The following ASTN2 variants were observed in gnomAD, a reference collection of about 807,000 sequenced individuals.
ASTN2 encodes the protein astrotactin-2.
Under a neutral mutation model 139.8 loss-of-function variants are expected in ASTN2, and 54 were observed. The ratio of observed to expected loss-of-function variants is 0.39; its 90% confidence interval spans 0.31 to 0.48. The LOEUF (loss-of-function observed/expected upper bound fraction) is 0.48. Ranked by LOEUF, ASTN2 falls within the 20% of genes least tolerant of loss-of-function variation. ASTN2 has a pLI of 0.95. For missense variants in ASTN2, 1,565 were observed against 1,725.1 expected (o/e 0.91, Z 1.64); for synonymous variants, 756 against 719.5 (o/e 1.05, Z -0.81).
At chr9:116,619,186 C>T (rs933025556) in intron 18 of ASTN2, among the ~76,000 whole-genome samples, 3 of 152,112 alleles carry the variant, frequency 2.0e-5, no homozygotes, top group African/African-American at 7.2e-5. Context: ...CATGATTCTT[C>T]TCACCCACAG....
chr9:116,607,771 C>T (rs1564149542), intron 19 of ASTN2, among the ~76,000 whole-genome samples: 1 of 151,602 alleles, frequency 6.6e-6, no homozygotes, highest in East Asian at 1.9e-4. Flanking sequence ...ACCATCCTGG[C>T]TAACACGGTG....
intron 2 of ASTN2, among the ~76,000 whole-genome samples, chr9:117,235,189 A>T (rs1424711893): frequency 1.3e-5 from 2 of 151,592 alleles, no homozygotes; most frequent in Non-Finnish European, 2.9e-5. Context: ...AGCTGAGATC[A>T]CACCATCGCA....
intron 10 of ASTN2, among the ~76,000 whole-genome samples, chr9:116,974,668 C>T (rs1238028410): frequency 6.6e-6 from 1 of 152,046 alleles, no homozygotes; most frequent in East Asian, 1.9e-4. Context: ...ACCATCACAT[C>T]AGGCTAATTT....
At chr9:117,412,397 A>G (rs189608648) in intron 1 of ASTN2, among the ~76,000 whole-genome samples, 1 of 152,296 alleles carries the variant, frequency 6.6e-6, no homozygotes, top group African/African-American at 2.4e-5. Context: ...GGTTGTTGCC[A>G]GGAGACTCTC....
intron 3 of ASTN2, among the ~76,000 whole-genome samples, chr9:117,203,662 C>T (rs1005879373): frequency 3.9e-5 from 6 of 152,102 alleles, no homozygotes; most frequent in Admixed American, 6.5e-5. Flanking sequence ...CCCCATTCAT[C>T]TGATTCACTC....
chr9:117,128,895 C>T (rs1004782011), intron 4 of ASTN2, among the ~76,000 whole-genome samples: 3 of 152,208 alleles, frequency 2.0e-5, no homozygotes, highest in Non-Finnish European at 2.9e-5. Flanking sequence ...AAAGCGGAAA[C>T]CCCTGATAAA....
chr9:117,109,409 T>G (rs1465312036), intron 4 of ASTN2, among the ~76,000 whole-genome samples: 6 of 152,244 alleles, frequency 3.9e-5, no homozygotes, highest in African/African-American at 1.4e-4. Flanking sequence ...TGGAAACTCT[T>G]GTTCCTGCCT....
intron 10 of ASTN2, among the ~76,000 whole-genome samples, chr9:116,965,463 G>C (rs1564363116): frequency 6.6e-6 from 1 of 152,130 alleles, no homozygotes; most frequent in Non-Finnish European, 1.5e-5. Flanking sequence ...CTCCCTGGTG[G>C]TAAGAGTCAC....
At chr9:117,393,915 C>G (rs62562122) in intron 1 of ASTN2, among the ~76,000 whole-genome samples, 2 of 152,030 alleles carry the variant, frequency 1.3e-5, no homozygotes, top group Non-Finnish European at 2.9e-5. Context: ...AGAACAGGCC[C>G]ATCAAGGGTC....
intron 5 of ASTN2, among the ~76,000 whole-genome samples, chr9:117,063,548 T>A (rs139451503): frequency 6.6e-6 from 1 of 152,218 alleles, no homozygotes; most frequent in Non-Finnish European, 1.5e-5. Flanking sequence ...CCCAGCCACA[T>A]GGAACTGTAA....
chr9:116,954,965 C>T (rs955744343), intron 10 of ASTN2, among the ~76,000 whole-genome samples: 1 of 152,168 alleles, frequency 6.6e-6, no homozygotes, highest in African/African-American at 2.4e-5. Flanking sequence ...TTATATGTGC[C>T]AAAGTATAAG....
chr9:117,150,371 A>G (rs1311569339), intron 3 of ASTN2, among the ~76,000 whole-genome samples: 1 of 152,216 alleles, frequency 6.6e-6, no homozygotes, highest in Non-Finnish European at 1.5e-5. Flanking sequence ...CAGAGACCAG[A>G]AAGGTAATGG....
At chr9:117,258,264 G>A (rs1833739061) in intron 2 of ASTN2, among the ~76,000 whole-genome samples, 1 of 152,142 alleles carries the variant, frequency 6.6e-6, no homozygotes. Context: ...AAAACCTGCA[G>A]CTTAATCAGA....
chr9:116,746,289 T>C (rs759710245), intron 13 of ASTN2, among the ~76,000 whole-genome samples: 3 of 151,842 alleles, frequency 2.0e-5, no homozygotes, highest in Non-Finnish European at 2.9e-5. Context: ...GGTTTCACTG[T>C]GTTGGTCAGG....
intron 3 of ASTN2, among the ~76,000 whole-genome samples, chr9:117,148,800 C>G (rs1401141790): frequency 1.3e-5 from 2 of 152,076 alleles, no homozygotes; most frequent in African/African-American, 2.4e-5. Flanking sequence ...AGAACATTCT[C>G]CATACTGTGC....
At chr9:117,108,417 G>A (rs73529054) in intron 4 of ASTN2, among the ~76,000 whole-genome samples, 2,035 of 121,614 alleles carry the variant, frequency 0.017, 48 homozygotes, top group African/African-American at 0.052. Flanking sequence ...GTGCCCTTTG[G>A]AAAAAAACAA....
chr9:116,788,849 ATTAC>A (rs1181839932), intron 13 of ASTN2, among the ~76,000 whole-genome samples: 2 of 152,188 alleles, frequency 1.3e-5, no homozygotes, highest in Non-Finnish European at 2.9e-5. Flanking sequence ...AAAAAAGTAT[ATTAC>A]TTTCCCTTTA....
chr9:117,211,023 G>A (rs1832108133), intron 3 of ASTN2, among the ~76,000 whole-genome samples: 1 of 147,816 alleles, frequency 6.8e-6, no homozygotes, highest in Non-Finnish European at 1.5e-5. Context: ...ATCTCCTCGT[G>A]ATAAAAACTC....
intron 19 of ASTN2, chr9:116,582,989 A>G (rs1854011697): frequency 6.6e-6 from 1 of 152,212 alleles, no homozygotes; most frequent in African/African-American, 2.4e-5. Context: ...TGCAATGCTG[A>G]GTGGCACAGA....
Sources: gnomAD v4.1 joint callset for allele counts (sites outside exome capture counted in the v4.1 genomes callset) on GRCh38, gnomAD v4.1.1 for gene constraint, MANE v1.5 for transcripts, NCBI Gene and HGNC (gene_info 2026-07-23, HGNC 2026-07-21) for gene names.